Variants in DPYD observed in about 807,000 individuals in gnomAD.
DPYD encodes dihydropyrimidine dehydrogenase [NADP(+)].
DPYD carries 109 observed loss-of-function variants against 116.2 expected under a neutral mutation model. That is an observed-to-expected ratio of 0.94 (90% CI 0.80 to 1.10). The LOEUF is 1.10. Ranked by LOEUF, DPYD falls within the 50% of genes least tolerant of loss-of-function variation. The pLI is 0.00. For synonymous variants in DPYD, 440 were observed against 432.0 expected, an observed-to-expected ratio of 1.02 and a Z score of -0.23; for missense variants, 1,302 against 1,254.5, an observed-to-expected ratio of 1.04 and a Z score of -0.57.
chr1:97,244,897 A>T (rs1294490458), intron 18 of DPYD, among the ~76,000 whole-genome samples: 1 of 152,072 alleles, frequency 6.6e-6, no homozygotes, highest in Non-Finnish European at 1.5e-5. Flanking sequence ...CTTCCTTGCT[A>T]TTCAGTTCCT....
chr1:97,736,432 T>C (rs1186601256), intron 4 of DPYD, among the ~76,000 whole-genome samples: 3 of 151,586 alleles, frequency 2.0e-5, no homozygotes, highest in Admixed American at 6.6e-5. Flanking sequence ...CTGAATAAAA[T>C]TTTATTTATT....
chr1:97,683,862 C>T (rs767250391), intron 7 of DPYD, among the ~76,000 whole-genome samples: 6 of 151,542 alleles, frequency 4.0e-5, no homozygotes, highest in African/African-American at 1.5e-4. Flanking sequence ...GTTGTCTACA[C>T]GGGGGAAAAA....
chr1:97,751,458 G>GTATATATA (rs1345170970), intron 3 of DPYD, among the ~76,000 whole-genome samples: 209 of 22,004 alleles, frequency 9.5e-3, no homozygotes, highest in South Asian at 0.02. Context: ...GTGTGTGTGT[G>GTATATATA]TGTATATATA....
intron 13 of DPYD, among the ~76,000 whole-genome samples, chr1:97,512,129 A>T (rs1453211990): frequency 1.3e-5 from 2 of 151,908 alleles, no homozygotes; most frequent in Non-Finnish European, 2.9e-5. Context: ...TCATTTATCC[A>T]GCGAATATTT....
chr1:97,753,918 A>G (rs1014847870), intron 3 of DPYD, among the ~76,000 whole-genome samples: 16 of 152,150 alleles, frequency 1.1e-4, no homozygotes, highest in Admixed American at 3.9e-4. Context: ...GGAATATTAT[A>G]TAAAATGACA....
At chr1:97,356,847 C>G (rs1240835453) in intron 16 of DPYD, among the ~76,000 whole-genome samples, 1 of 152,182 alleles carries the variant, frequency 6.6e-6, no homozygotes, top group Non-Finnish European at 1.5e-5. Flanking sequence ...AGGTTCACTG[C>G]TGAGTTTTCC....
At chr1:97,632,032 T>C (rs1414926579) in intron 8 of DPYD, among the ~76,000 whole-genome samples, 1 of 152,082 alleles carries the variant, frequency 6.6e-6, no homozygotes, top group Non-Finnish European at 1.5e-5. Context: ...CAGAAGCCCA[T>C]GTAACTTCTT....
intron 18 of DPYD, among the ~76,000 whole-genome samples, chr1:97,289,274 A>C (rs969801558): frequency 6.6e-6 from 1 of 152,060 alleles, no homozygotes; most frequent in South Asian, 2.1e-4. Context: ...AGGAACTGGT[A>C]CCATTCCTTC....
intron 14 of DPYD, among the ~76,000 whole-genome samples, chr1:97,391,699 C>T (rs561821430): frequency 6.6e-6 from 1 of 151,904 alleles, no homozygotes; most frequent in Non-Finnish European, 1.5e-5. Context: ...ATTAGTTGCC[C>T]CATATCTGAT....
At chr1:97,413,948 A>G (rs1168599242) in intron 14 of DPYD, among the ~76,000 whole-genome samples, 1 of 152,180 alleles carries the variant, frequency 6.6e-6, no homozygotes, top group Non-Finnish European at 1.5e-5. Flanking sequence ...ACCAAATTAT[A>G]TATAAATAAT....
chr1:97,753,894 C>T (rs956278845), intron 3 of DPYD, among the ~76,000 whole-genome samples: 1 of 151,408 alleles, frequency 6.6e-6, no homozygotes, highest in Non-Finnish European at 1.5e-5. Context: ...TAATTATGTC[C>T]CTATCCAGTA....
chr1:97,286,839 T>G (rs907908522), intron 18 of DPYD, among the ~76,000 whole-genome samples: 3 of 152,206 alleles, frequency 2.0e-5, no homozygotes, highest in Admixed American at 2.0e-4. Context: ...TTTTCAAAAT[T>G]TTCAACTTGT....
intron 18 of DPYD, among the ~76,000 whole-genome samples, chr1:97,282,828 G>A (rs955069863): frequency 9.9e-5 from 15 of 152,040 alleles, no homozygotes; most frequent in African/African-American, 3.4e-4. Context: ...TTGGTTTTCT[G>A]CTTCTATGTT....
chr1:97,113,924 A>C (rs1651780649), intron 20 of DPYD, among the ~76,000 whole-genome samples: 1 of 152,132 alleles, frequency 6.6e-6, no homozygotes, highest in Non-Finnish European at 1.5e-5. Context: ...ATTTGGTAAA[A>C]TGCATTGTGT....
chr1:97,504,462 T>C (rs1341407220), intron 13 of DPYD, among the ~76,000 whole-genome samples: 3 of 151,922 alleles, frequency 2.0e-5, no homozygotes, highest in Non-Finnish European at 4.4e-5. Context: ...TATGGTCCCT[T>C]GGAAAGGCAA....
chr1:97,338,345 T>C (rs1669409035), intron 16 of DPYD, among the ~76,000 whole-genome samples: 1 of 152,160 alleles, frequency 6.6e-6, no homozygotes, highest in Non-Finnish European at 1.5e-5. Flanking sequence ...GTAGTACCAC[T>C]GAAGCCTTGA....
At position 97,721,007 on chromosome 1, in the gene DPYD, T is replaced by C; in HGVS notation, c.483+503A>G. The C allele has an allele frequency of 2.0e-6, 3 of 1,533,022 alleles. No homozygotes were observed. The South Asian group carries it at 3.8e-5, about 19-fold the overall frequency. 95.0% of individuals were successfully genotyped at this position (1,533,022 alleles called of 1,614,324 possible). A position where few individuals can be genotyped will look rare whatever the true frequency, so the allele number is the denominator to read the frequency against. ...ACCCAAATAAAAGACCTGCTTCCAA[T>C]CTATAAGTTCACAAAATCTAATGAC... is the stretch of plus-strand genomic sequence containing the variant. On this transcript the variant is annotated intron_variant, in intron 5 of 22. Transcript: ENST00000370192.
At chr1:97,308,233 T>A (rs1344415576) in intron 16 of DPYD, among the ~76,000 whole-genome samples, 1 of 151,802 alleles carries the variant, frequency 6.6e-6, no homozygotes, top group African/African-American at 2.4e-5. Flanking sequence ...GTTTTTCAAA[T>A]TCTTAGAAAC....
intron 14 of DPYD, among the ~76,000 whole-genome samples, chr1:97,441,285 G>A (rs976964469): frequency 1.3e-5 from 2 of 151,946 alleles, no homozygotes; most frequent in African/African-American, 4.8e-5. Flanking sequence ...ATTATTTCTT[G>A]AAATTTTTTT....
Sources: gnomAD v4.1 joint callset for allele counts (sites outside exome capture counted in the v4.1 genomes callset) on GRCh38, gnomAD v4.1.1 for gene constraint, MANE v1.5 for transcripts, NCBI Gene and HGNC (gene_info 2026-07-23, HGNC 2026-07-21) for gene names.